The following CCDC171 variants were observed in gnomAD, a reference collection of about 807,000 sequenced individuals.
CCDC171 encodes the protein coiled-coil domain-containing protein 171.
Under a neutral mutation model 168.2 loss-of-function variants are expected in CCDC171, and 177 were observed. The observed-to-expected ratio is 1.05, with a 90% CI of 0.93 to 1.19. The LOEUF (loss-of-function observed/expected upper bound fraction) is 1.19. Ranked by LOEUF, CCDC171 falls within the 50% of genes most tolerant of loss-of-function variation. The pLI, the probability that CCDC171 is intolerant of heterozygous loss-of-function variation, is 0.00. For synonymous variants in CCDC171, 687 were observed against 540.8 expected (o/e 1.27, Z -3.75); for missense variants, 1,991 against 1,539.0 (o/e 1.29, Z -4.91).
At chr9:15,752,880 A>G (rs886895112) in intron 18 of CCDC171, among the ~76,000 whole-genome samples, 8 of 152,168 alleles carry the variant, frequency 5.3e-5, no homozygotes, top group African/African-American at 1.7e-4. Flanking sequence ...CCCAGAACTT[A>G]AAGTACATAT....
At chr9:15,801,396 T>G (rs571850641) in intron 21 of CCDC171, among the ~76,000 whole-genome samples, 28 of 152,168 alleles carry the variant, frequency 1.8e-4, no homozygotes, top group African/African-American at 5.3e-4. Context: ...GATTACTTTT[T>G]TTATTGTTTT....
chr9:15,882,310 G>A (rs558925017), intron 24 of CCDC171, among the ~76,000 whole-genome samples: 2 of 152,122 alleles, frequency 1.3e-5, no homozygotes, highest in African/African-American at 4.8e-5. Context: ...CTATTGAGTT[G>A]TTTGAGCTCC....
chr9:16,091,154 G>T, the CCDC171 span, among the ~76,000 whole-genome samples: 1 of 152,166 alleles, frequency 6.6e-6, no homozygotes, highest in Admixed American at 6.5e-5. Flanking sequence ...TGATTAGTCT[G>T]CTAGGCCTCA....
intron 21 of CCDC171, among the ~76,000 whole-genome samples, chr9:15,826,106 T>C (rs2059999403): frequency 6.6e-6 from 1 of 152,086 alleles, no homozygotes; most frequent in Non-Finnish European, 1.5e-5. Context: ...CTCTTTGTAT[T>C]GAAATGCTTT....
the CCDC171 span, among the ~76,000 whole-genome samples, chr9:16,089,083 T>C: frequency 0.44 from 67,459 of 151,800 alleles, 16,851 homozygotes; most frequent in African/African-American, 0.69. Context: ...TGATCTTTGA[T>C]AAACCTGACA....
At chr9:15,849,393 T>C (rs1350587993) in intron 23 of CCDC171, among the ~76,000 whole-genome samples, 2 of 151,278 alleles carry the variant, frequency 1.3e-5, no homozygotes, top group Non-Finnish European at 3.0e-5. Context: ...GTTATTCAAA[T>C]TGAAATTTTC....
chr9:16,089,421 C>G, the CCDC171 span, among the ~76,000 whole-genome samples: 3 of 151,732 alleles, frequency 2.0e-5, no homozygotes, highest in Admixed American at 1.3e-4. Context: ...GTTGCCATTG[C>G]TTTTGGTGTT....
intron 24 of CCDC171, among the ~76,000 whole-genome samples, chr9:15,918,128 G>T (rs938363566): frequency 6.6e-6 from 1 of 151,552 alleles, no homozygotes; most frequent in Non-Finnish European, 1.5e-5. Context: ...ACTTGGACTA[G>T]TTATTTAATC....
chr9:15,690,143 G>A (rs2050687188), intron 10 of CCDC171, among the ~76,000 whole-genome samples: 1 of 152,168 alleles, frequency 6.6e-6, no homozygotes, highest in Non-Finnish European at 1.5e-5. Context: ...GAGAGCCAGT[G>A]GGTGTGGCAC....
intron 20 of CCDC171, among the ~76,000 whole-genome samples, chr9:15,782,138 C>T (rs2057698471): frequency 2.0e-5 from 3 of 152,296 alleles, no homozygotes; most frequent in South Asian, 4.1e-4. Flanking sequence ...CCATTTGTCT[C>T]TCGCTCATTT....
chr9:15,868,934 G>T (rs1175778143), intron 23 of CCDC171, among the ~76,000 whole-genome samples: 1 of 151,842 alleles, frequency 6.6e-6, no homozygotes, highest in Non-Finnish European at 1.5e-5. Context: ...GATATAAAAT[G>T]GTGTAGTATT....
chr9:16,042,647 A>G (rs138114697), upstream of CCDC171, among the ~76,000 whole-genome samples: 1 of 152,334 alleles, frequency 6.6e-6, no homozygotes, highest in East Asian at 1.9e-4. Flanking sequence ...AATGAGTGCC[A>G]TCAAGAACTG....
chr9:15,953,360 C>A (rs767271556), intron 25 of CCDC171, among the ~76,000 whole-genome samples: 2 of 152,014 alleles, frequency 1.3e-5, no homozygotes, highest in Non-Finnish European at 2.9e-5. Flanking sequence ...TCCTTCTATT[C>A]CTAGTTTGTT....
At chr9:15,644,528 C>T (rs1008520251) in intron 7 of CCDC171, among the ~76,000 whole-genome samples, 4 of 152,134 alleles carry the variant, frequency 2.6e-5, no homozygotes, top group African/African-American at 7.2e-5. Flanking sequence ...CCTGGAAAAT[C>T]GGGTCACTCC....
At chr9:15,768,374 A>G (rs2056845519) in intron 18 of CCDC171, among the ~76,000 whole-genome samples, 1 of 151,870 alleles carries the variant, frequency 6.6e-6, no homozygotes, top group South Asian at 2.1e-4. Context: ...CATATTCTAC[A>G]TTTCTTATTG....
At position 15,657,190 on chromosome 9, in the gene CCDC171, G is replaced by T. The variant is rs1483309376; in HGVS notation, c.886G>T (p.Glu296Ter). 6.2e-7 allele frequency: 1 copy of T among 1,610,620 alleles called. No homozygotes were observed. Among genetic ancestry groups the T allele is most frequent in the Non-Finnish European group, 8.5e-7 (1 of 1,177,512 alleles). ...NIEAERAAHL[E>*]SKFNSEIIQL... Reference sequence around the variant, plus strand: ...TGAAGCAGAAAGAGCAGCGCATTTGGAATCAAAATTTAATTCTGAAATTAT... The same window carrying T: ...TGAAGCAGAAAGAGCAGCGCATTTGTAATCAAAATTTAATTCTGAAATTAT... The change falls in exon 8 of 26, where the codon GAA becomes TAA. Residue 296 changes from glutamate to a stop codon, truncating the protein, a stop_gained. Coordinates refer to ENST00000380701, the MANE Select transcript of CCDC171 (RefSeq NM_173550.4). LOFTEE classifies it high-confidence loss of function.
chr9:15,852,899 A>G (rs946858733), intron 23 of CCDC171, among the ~76,000 whole-genome samples: 1 of 151,618 alleles, frequency 6.6e-6, no homozygotes, highest in African/African-American at 2.4e-5. Context: ...TTGACTATAG[A>G]TGTATAGGTT....
chr9:15,781,183 A>G (rs1004426257), intron 20 of CCDC171, among the ~76,000 whole-genome samples: 3 of 152,224 alleles, frequency 2.0e-5, no homozygotes, highest in Non-Finnish European at 2.9e-5. Context: ...TTCCTAGTCC[A>G]TAGTTAAGTA....
chr9:15,941,710 A>G lies in CCDC171; in HGVS notation c.3753+21288A>G, dbSNP rs1032345136. On this transcript the variant is annotated intron_variant, in intron 25 of 25. Coordinates refer to ENST00000380701, the MANE Select transcript of CCDC171 (RefSeq NM_173550.4). ...ATATAATTTGAAAGAAGTGCTAGAC[A>G]GTAGCAGCCTGAAATGCTCTCTTTT... 4.0e-4 allele frequency among the ~76,000 whole-genome samples: 61 copies of G among 151,994 alleles called. 1 individual carries two copies. The highest frequency in any genetic ancestry group is 1.3e-4 in the Admixed American group (2 of 15,208).
Sources: allele counts gnomAD v4.1 joint callset (sites outside exome capture counted in the v4.1 genomes callset), GRCh38; gene constraint gnomAD v4.1.1; transcripts MANE v1.5; gene names NCBI Gene and HGNC (gene_info 2026-07-23, HGNC 2026-07-21).